Variants in FNDC3A observed in about 807,000 individuals in gnomAD.
The protein encoded by FNDC3A is fibronectin type-III domain-containing protein 3A.
A neutral mutation model predicts 148.9 loss-of-function variants in FNDC3A; 32 were observed. That is an observed-to-expected ratio of 0.21 (90% CI 0.16 to 0.29). The LOEUF (loss-of-function observed/expected upper bound fraction) is 0.29. Ranked by LOEUF, FNDC3A falls within the 10% of genes least tolerant of loss-of-function variation. The pLI, the probability that FNDC3A is intolerant of heterozygous loss-of-function variation, is 1.00. For synonymous variants in FNDC3A, 472 were observed against 473.6 expected (o/e 1.00, Z 0.04); for missense variants, 1,191 against 1,452.8 (o/e 0.82, Z 2.93).
chr13:49,019,577 C>G (rs1325658543), intron 2 of FNDC3A, among the ~76,000 whole-genome samples: 1 of 152,258 alleles, frequency 6.6e-6, no homozygotes, highest in African/African-American at 2.4e-5. Context: ...GTCGCTCTCT[C>G]TGGGAGCTGT....
chr13:49,042,781 ATT>A (rs950975789), intron 2 of FNDC3A, among the ~76,000 whole-genome samples: 2 of 152,150 alleles, frequency 1.3e-5, no homozygotes, highest in Non-Finnish European at 2.9e-5. Flanking sequence ...TCAAAAAAAA[ATT>A]AATTGTTGTT....
Position 49,207,259 on chromosome 13 carries a change from C to G in FNDC3A, c.3461C>G (p.Thr1154Ser). ...CAGAGGACTGAACCACCAGCCAGCA[C>G]CAACAGAGACACTGTGGAAAGCACA... ...ISQRTEPPAS[T>S]NRDTVESTRT... Residue 1154 changes from threonine to serine, a missense_variant, in exon 26 of 26, where the codon ACC becomes AGC. Coordinates refer to ENST00000492622, the MANE Select transcript of FNDC3A (RefSeq NM_001079673.2). 1 of 1,614,198 alleles carries G rather than the reference C, an allele frequency of 6.2e-7. No homozygotes were observed. Among genetic ancestry groups the G allele is most frequent in the Non-Finnish European group, 8.5e-7 (1 of 1,180,030 alleles).
At chr13:49,027,005 G>A (rs765154995) in intron 2 of FNDC3A, among the ~76,000 whole-genome samples, 10 of 152,022 alleles carry the variant, frequency 6.6e-5, no homozygotes, top group Non-Finnish European at 1.0e-4. Flanking sequence ...AAGTAAAGGG[G>A]GAAACCTGAT....
At chr13:49,173,144 A>T (rs1052393849) in intron 11 of FNDC3A, among the ~76,000 whole-genome samples, 1 of 152,228 alleles carries the variant, frequency 6.6e-6, no homozygotes, top group African/African-American at 2.4e-5. Context: ...TTGGTTTAGT[A>T]CATTGTTTTT....
chr13:49,139,443 A>G (rs1349800431), intron 7 of FNDC3A, among the ~76,000 whole-genome samples: 6 of 152,216 alleles, frequency 3.9e-5, no homozygotes, highest in Admixed American at 3.3e-4. Context: ...AAAATGTTTT[A>G]TACTAAGTTG....
At chr13:49,051,962 A>G (rs2137714783) in intron 2 of FNDC3A, among the ~76,000 whole-genome samples, 1 of 151,840 alleles carries the variant, frequency 6.6e-6, no homozygotes, top group South Asian at 2.1e-4. Flanking sequence ...GTTTGATTCT[A>G]TTGCTGAGAC....
chr13:49,192,723 G>T (rs906241453), intron 19 of FNDC3A, among the ~76,000 whole-genome samples: 1 of 152,042 alleles, frequency 6.6e-6, no homozygotes, highest in African/African-American at 2.4e-5. Context: ...TAATACTTAC[G>T]TCTTAATTTA....
intron 1 of FNDC3A, among the ~76,000 whole-genome samples, chr13:48,981,710 T>C (rs1382004324): frequency 6.6e-6 from 1 of 152,126 alleles, no homozygotes; most frequent in Non-Finnish European, 1.5e-5. Context: ...TTGAGATCTC[T>C]TATGTGCTAG....
intron 3 of FNDC3A, among the ~76,000 whole-genome samples, chr13:49,094,828 G>C (rs1593582218): frequency 6.6e-6 from 1 of 152,002 alleles, no homozygotes; most frequent in African/African-American, 2.4e-5. Context: ...CTCAAAAATG[G>C]AAGATTAAAA....
chr13:49,034,941 G>A (rs1051184781), intron 2 of FNDC3A, among the ~76,000 whole-genome samples: 3 of 151,968 alleles, frequency 2.0e-5, no homozygotes, highest in Non-Finnish European at 4.4e-5. Flanking sequence ...ATCCCCTTGG[G>A]TAATCTTGAT....
intron 2 of FNDC3A, among the ~76,000 whole-genome samples, chr13:49,028,499 C>T (rs1193339154): frequency 6.6e-6 from 1 of 152,002 alleles, no homozygotes; most frequent in African/African-American, 2.4e-5. Flanking sequence ...CTCATCTTCC[C>T]AAAGTGCTAG....
At chr13:49,157,895 C>G (rs1215101721) in intron 8 of FNDC3A, among the ~76,000 whole-genome samples, 4 of 140,638 alleles carry the variant, frequency 2.8e-5, no homozygotes, top group Non-Finnish European at 4.6e-5. Context: ...TCTCCAGCTG[C>G]GTGCTGGGAG....
At chr13:48,993,830 G>A (rs1951968668) in intron 1 of FNDC3A, among the ~76,000 whole-genome samples, 1 of 152,100 alleles carries the variant, frequency 6.6e-6, no homozygotes, top group South Asian at 2.1e-4. Flanking sequence ...ATCCTTCCAT[G>A]ACTCCTTTTT....
At chr13:49,163,040 A>G (rs563698336) in intron 8 of FNDC3A, among the ~76,000 whole-genome samples, 35 of 152,280 alleles carry the variant, frequency 2.3e-4, no homozygotes, top group South Asian at 1.2e-3. Context: ...TGAGGTGTCA[A>G]TCAGCCCCTA....
At chr13:49,160,101 C>T (rs1261346673) in intron 8 of FNDC3A, among the ~76,000 whole-genome samples, 5 of 152,004 alleles carry the variant, frequency 3.3e-5, no homozygotes, top group African/African-American at 2.4e-5. Flanking sequence ...TGTCTCTGCC[C>T]GGCTTTGGTA....
At chr13:49,197,931 G>T in intron 21 of FNDC3A, 51 bp from the exon 22 acceptor site, 1 of 1,589,306 alleles carries the variant, frequency 6.3e-7, no homozygotes, top group Non-Finnish European at 8.5e-7. Context: ...TATTTCATTG[G>T]CATTTTCATG....
At chr13:49,038,083 C>T (rs1253532493) in intron 2 of FNDC3A, among the ~76,000 whole-genome samples, 2 of 152,134 alleles carry the variant, frequency 1.3e-5, no homozygotes, top group Non-Finnish European at 2.9e-5. Context: ...GGCCATCCAG[C>T]GGCCGATCTC....
intron 3 of FNDC3A, among the ~76,000 whole-genome samples, chr13:49,101,129 C>A (rs1465999648): frequency 6.6e-6 from 1 of 152,068 alleles, no homozygotes; most frequent in Admixed American, 6.6e-5. Flanking sequence ...TGCCCAAGGA[C>A]AAAATTATAG....
At chr13:49,147,597 G>A (rs775018854) in intron 8 of FNDC3A, among the ~76,000 whole-genome samples, 53 of 151,214 alleles carry the variant, frequency 3.5e-4, no homozygotes, top group Non-Finnish European at 7.2e-4. Flanking sequence ...ATTCTGTTGT[G>A]TATATATACC....
Sources: gnomAD v4.1 joint callset for allele counts (sites outside exome capture counted in the v4.1 genomes callset) on GRCh38, gnomAD v4.1.1 for gene constraint, MANE v1.5 for transcripts, NCBI Gene and HGNC (gene_info 2026-07-23, HGNC 2026-07-21) for gene names.